Variants in AMBRA1 observed in about 807,000 individuals in gnomAD.
AMBRA1 encodes activating molecule in BECN1-regulated autophagy protein 1.
A neutral mutation model predicts 125.4 loss-of-function variants in AMBRA1; 47 were observed. That is an observed-to-expected ratio of 0.37 (90% confidence interval 0.30 to 0.48). The LOEUF (loss-of-function observed/expected upper bound fraction) is 0.48, where lower values mean the gene tolerates loss of function less well. Among genes scored for constraint, AMBRA1 ranks in the 20% least tolerant of loss-of-function variants. The pLI is 0.99. For synonymous variants in AMBRA1, 626 were observed against 655.5 expected (o/e 0.95, Z 0.69); for missense variants, 1,331 against 1,693.4 (o/e 0.79, Z 3.76).
intron 3 of AMBRA1, 146 bp from the exon 4 acceptor site, chr11:46,547,442 C>T: frequency 1.4e-6 from 1 of 703,240 alleles, no homozygotes; most frequent in South Asian, 2.3e-5. Context: ...AGTATATCTA[C>T]AAACAGAAAT....
intron 11 of AMBRA1, among the ~76,000 whole-genome samples, chr11:46,487,775 C>CA (rs1384377496): frequency 1.3e-5 from 2 of 151,798 alleles, no homozygotes; most frequent in Non-Finnish European, 2.9e-5. Flanking sequence ...ATCAGAAATA[C>CA]AAAAAACAAA....
rs1302694111 is a variant in AMBRA1 at position 46,542,581 on chromosome 11, G to A, written c.1436C>T (p.Thr479Ile). The change falls in exon 7 of 18, where the codon ACT (threonine) becomes ATT (isoleucine). Residue 479 changes from threonine (T) to isoleucine (I), a missense_variant. Physicochemically the swap from Thr to Ile is moderately conservative, Grantham distance 89. This residue lies in a region of AMBRA1 where 689 missense variants were observed against 776.5 expected (regional missense o/e 0.89). Coordinates refer to ENST00000683756, the MANE Select transcript of AMBRA1 (RefSeq NM_001387011.1). The surrounding 1 kb of genome is among the most constrained non-coding windows in gnomAD (Gnocchi z 5.9). ...GGAGCCATTCCCTCCATCTGACTCA[G>A]TTGCCAACCCTGATGCCGGAAAACC... ...GRGFPASGLA[T>I]ESDGGNGSSQ... is the part of the protein sequence containing the mutation. 3.1e-6 allele frequency: 5 copies of A among 1,613,692 alleles called. No individual in the cohort carries two copies. Among genetic ancestry groups the A allele is most frequent in the Non-Finnish European group, 4.2e-6 (5 of 1,180,028 alleles).
chr11:46,580,734 G>A lies in AMBRA1; in HGVS notation c.-121+13094C>T, dbSNP rs77068727. Among the ~76,000 whole-genome samples, 979 of 152,112 alleles carry A rather than the reference G, an allele frequency of 6.4e-3. 9 individuals are homozygous for A. Among genetic ancestry groups the A allele is most frequent in the African/African-American group, 0.023 (944 of 41,500 alleles). The stretch of plus-strand genomic sequence containing the variant: ...CAATACTTCCTAACCATACTTCCCC[G>A]ATTTCTTCTCTTTCCAAACCCCTCC... On this transcript the variant is annotated intron_variant, in intron 1 of 17. Coordinates refer to ENST00000683756, the MANE Select transcript of AMBRA1 (RefSeq NM_001387011.1).
chr11:46,563,764 C>T (rs1177599771), intron 1 of AMBRA1, among the ~76,000 whole-genome samples: 3 of 149,978 alleles, frequency 2.0e-5, no homozygotes, highest in African/African-American at 7.4e-5. Context: ...TCACTTGAAC[C>T]TAGGAGACGG....
Position 46,569,999 on chromosome 11 carries a change from C to T in AMBRA1, c.-120-21499G>A, listed in dbSNP as rs554008215. 8.0e-5 allele frequency among the ~76,000 whole-genome samples: 12 copies of T among 150,846 alleles called. No homozygotes were observed. The East Asian group carries it at 1.2e-3, about 15-fold the overall frequency. On this transcript the variant is annotated intron_variant, in intron 1 of 17. Transcript: ENST00000683756. ...AATAAAGGCCAGGCACGGTGGCTCA[C>T]GCCTGTAATCCCAGCACTTTGGGAG...
At chr11:46,566,987 G>A (rs1413935919) in intron 1 of AMBRA1, among the ~76,000 whole-genome samples, 3 of 152,064 alleles carry the variant, frequency 2.0e-5, no homozygotes. Flanking sequence ...CTGCACTCTG[G>A]CATGGGCAAC....
At chr11:46,505,136 C>T (rs771290269) in intron 9 of AMBRA1, among the ~76,000 whole-genome samples, 2 of 152,140 alleles carry the variant, frequency 1.3e-5, no homozygotes. Context: ...GATTACTCGC[C>T]ATATCTACCT....
At chr11:46,404,144 G>A (rs965204535) in intron 17 of AMBRA1, among the ~76,000 whole-genome samples, 8 of 152,202 alleles carry the variant, frequency 5.3e-5, no homozygotes, top group Non-Finnish European at 2.9e-5. Flanking sequence ...AGCCGTGTTC[G>A]TGTCACTGTA....
At chr11:46,557,192 T>C (rs2043183747) in intron 1 of AMBRA1, among the ~76,000 whole-genome samples, 1 of 148,764 alleles carries the variant, frequency 6.7e-6, no homozygotes, top group South Asian at 2.1e-4. Flanking sequence ...TCCCAGCTAC[T>C]CAGGAGGCTG....
At chr11:46,528,768 A>G (rs530609019) in intron 7 of AMBRA1, among the ~76,000 whole-genome samples, 68 of 152,334 alleles carry the variant, frequency 4.5e-4, no homozygotes, top group Non-Finnish European at 8.5e-4. Flanking sequence ...TATGTTTTCT[A>G]TCACAGACAC....
intron 1 of AMBRA1, among the ~76,000 whole-genome samples, chr11:46,551,934 T>C (rs1324188620): frequency 6.8e-6 from 1 of 146,182 alleles, no homozygotes; most frequent in African/African-American, 2.5e-5. Context: ...AGGCTGAGGC[T>C]GGAGAATCGC....
intron 15 of AMBRA1, among the ~76,000 whole-genome samples, chr11:46,410,582 T>C (rs955767147): frequency 7.9e-5 from 12 of 152,170 alleles, no homozygotes; most frequent in Admixed American, 7.9e-4. Context: ...ATGCCTGGAA[T>C]GGTGGGTTTA....
intron 9 of AMBRA1, among the ~76,000 whole-genome samples, chr11:46,506,436 T>C (rs938363786): frequency 6.6e-6 from 1 of 152,254 alleles, no homozygotes; most frequent in Non-Finnish European, 1.5e-5. Context: ...GAAGGCAAAT[T>C]GGTACAAAGG....
Position 46,543,225 on chromosome 11 carries a change from A to G in AMBRA1, c.792T>C (p.Asp264=), listed in dbSNP as rs138762925. ...IQVGEQSTVQ[D]SATPSPPPPP... ...GCGGTGGGGGTGAGGGGGTAGCAGA[A>G]TCTTGCACTGTGCTTTGCTCTCCCA... is the stretch of plus-strand genomic sequence containing the variant. Residue 264 remains aspartate (D), a synonymous_variant, in exon 7 of 18, where the codon GAT becomes GAC. Transcript: ENST00000683756. The G allele has an allele frequency of 2.4e-5, 39 of 1,612,114 alleles. No homozygotes were observed. In the Middle Eastern group the frequency reaches 5.0e-4, roughly 21 times the overall value.
chr11:46,562,973 T>A lies in AMBRA1; in HGVS notation c.-120-14473A>T, dbSNP rs116040948. Reference sequence around the variant, plus strand: ...ATGCCACCACACCTAATTTTTTATATTTTTAGTGGAAACAGGGTTTCACCA... The same window carrying A: ...ATGCCACCACACCTAATTTTTTATAATTTTAGTGGAAACAGGGTTTCACCA... On this transcript the variant is annotated intron_variant, in intron 1 of 17. Coordinates refer to ENST00000683756, the MANE Select transcript of AMBRA1 (RefSeq NM_001387011.1). Among the ~76,000 whole-genome samples the A allele has an allele frequency of 4.3e-3, 649 of 152,190 alleles. 1 individual carries two copies. The highest frequency in any genetic ancestry group is 0.015 in the African/African-American group (629 of 41,516).
chr11:46,414,004 C>T (rs1031526766), intron 15 of AMBRA1, among the ~76,000 whole-genome samples: 7 of 152,324 alleles, frequency 4.6e-5, no homozygotes, highest in Admixed American at 6.5e-5. Flanking sequence ...TTCCACCTCA[C>T]ACCTGGCTTC....
intron 14 of AMBRA1, among the ~76,000 whole-genome samples, chr11:46,420,546 C>T (rs959285221): frequency 7.2e-5 from 11 of 152,178 alleles, no homozygotes; most frequent in Non-Finnish European, 1.6e-4. Context: ...AGAAGATAAC[C>T]AATGGTTTCT....
chr11:46,425,883 A>G (rs1947106598), intron 14 of AMBRA1, among the ~76,000 whole-genome samples: 1 of 151,618 alleles, frequency 6.6e-6, no homozygotes, highest in Non-Finnish European at 1.5e-5. Context: ...GTGGTGTCTC[A>G]CGCCTGTAAT....
chr11:46,468,593 T>A (rs1014685592), intron 11 of AMBRA1, among the ~76,000 whole-genome samples: 1 of 149,488 alleles, frequency 6.7e-6, no homozygotes, highest in African/African-American at 2.5e-5. Flanking sequence ...GGTCAGGAGA[T>A]CGAGACCATC....
Sources: gnomAD v4.1 joint callset for allele counts (sites outside exome capture counted in the v4.1 genomes callset) on GRCh38, gnomAD v4.1.1 for gene constraint, gnomAD v4.1.1 regional missense constraint, Gnocchi (gnomAD v3.1) non-coding constraint, MANE v1.5 for transcripts, NCBI Gene and HGNC (gene_info 2026-07-23, HGNC 2026-07-21) for gene names.